The following CLVS1 variants were observed in gnomAD, a reference collection of about 807,000 sequenced individuals.
CLVS1 encodes clavesin 1.
Under a neutral mutation model 33.1 loss-of-function variants are expected in CLVS1, and 10 were observed. The ratio of observed to expected loss-of-function variants is 0.30; its 90% CI spans 0.19 to 0.51. CLVS1 has a LOEUF of 0.51. Among genes scored for constraint, CLVS1 ranks in the 20% least tolerant of loss-of-function variants. The pLI, the probability that CLVS1 is intolerant of heterozygous loss-of-function variation, is 0.97. For synonymous variants in CLVS1, 163 were observed against 166.1 expected (o/e 0.98, Z 0.14); for missense variants, 343 against 433.4 (o/e 0.79, Z 1.85).
At chr8:61,468,688 G>C (rs1012098305) in intron 5 of CLVS1, among the ~76,000 whole-genome samples, 3 of 127,220 alleles carry the variant, frequency 2.4e-5, no homozygotes, top group African/African-American at 9.3e-5. Flanking sequence ...AGCTCAGTCT[G>C]ATATCCCAGC....
In CLVS1 at chr8:61,376,691, T is replaced by G; in HGVS notation, c.542T>G (p.Ile181Ser). 6.2e-7 allele frequency: 1 copy of G among 1,614,200 alleles called. No individual in the cohort carries two copies. The highest frequency in any genetic ancestry group is 8.5e-7 in the Non-Finnish European group (1 of 1,179,998). ...CCGGAGCTTCAGATAAATGGCTTCA[T>G]TTTAATTATAGACTGGAGTAATTTT... ...EDPELQINGF[I>S]LIIDWSNFSF... The change falls in exon 3 of 6, where the codon ATT becomes AGT. Residue 181 changes from isoleucine to serine, a missense_variant. Around this residue, in one of 4 missense-constraint regions of CLVS1, gnomAD observed 166 missense variants for 244.0 expected, o/e 0.68. Coordinates refer to ENST00000325897, the MANE Select transcript of CLVS1 (RefSeq NM_173519.3).
chr8:61,224,456 G>A (rs1023681639), intron 2 of CLVS1, among the ~76,000 whole-genome samples: 1 of 152,092 alleles, frequency 6.6e-6, no homozygotes, highest in Non-Finnish European at 1.5e-5. Flanking sequence ...GTTTGCTGGG[G>A]GTTCACTTCA....
the CLVS1 span, among the ~76,000 whole-genome samples, chr8:60,983,091 CT>C: frequency 6.6e-6 from 1 of 152,120 alleles, no homozygotes; most frequent in South Asian, 2.1e-4. Context: ...TCCCTGAGGG[CT>C]TGAAAATTAG....
exon 2 of CLVS1, chr8:61,131,848 A>G (rs932410296): frequency 6.6e-6 from 1 of 152,194 alleles, no homozygotes; most frequent in African/African-American, 2.4e-5. Context: ...ACTTTTTATC[A>G]GCCAGGAAAA....
At chr8:61,461,638 T>C (rs560658954) in intron 5 of CLVS1, among the ~76,000 whole-genome samples, 47 of 152,372 alleles carry the variant, frequency 3.1e-4, no homozygotes, top group African/African-American at 7.9e-4. Flanking sequence ...CATCTCCTCA[T>C]TGCTTTGCAT....
At chr8:60,987,507 T>A in the CLVS1 span, among the ~76,000 whole-genome samples, 1 of 151,986 alleles carries the variant, frequency 6.6e-6, no homozygotes, top group Non-Finnish European at 1.5e-5. Context: ...TAGCAGGGAG[T>A]CACTGAAGAA....
chr8:61,166,442 G>A (rs909486308), intron 2 of CLVS1, among the ~76,000 whole-genome samples: 1 of 151,896 alleles, frequency 6.6e-6, no homozygotes, highest in South Asian at 2.1e-4. Context: ...CCTGAAAGCC[G>A]TTATTTATTT....
intron 3 of CLVS1, among the ~76,000 whole-genome samples, chr8:61,424,239 A>G (rs1178380511): frequency 2.0e-5 from 3 of 152,226 alleles, no homozygotes; most frequent in Non-Finnish European, 4.4e-5. Flanking sequence ...CTTGGATTTC[A>G]CAAAGGTCTT....
intron 2 of CLVS1, among the ~76,000 whole-genome samples, chr8:61,157,681 A>C (rs1236946538): frequency 6.6e-6 from 1 of 151,940 alleles, no homozygotes; most frequent in Non-Finnish European, 1.5e-5. Flanking sequence ...TCTAGTATAT[A>C]AAGAACTCCT....
chr8:61,111,706 T>G (rs532956118), intron 1 of CLVS1, among the ~76,000 whole-genome samples: 121 of 152,290 alleles, frequency 7.9e-4, no homozygotes, highest in African/African-American at 2.5e-3. Context: ...TGTTTAAATT[T>G]CTGTGGCTTT....
At chr8:61,202,863 T>C in intron 2 of CLVS1, 1 of 953,772 alleles carries the variant, frequency 1.0e-6, no homozygotes, top group Non-Finnish European at 1.6e-6. Flanking sequence ...AAGAAGATGA[T>C]GATGATGAAG....
At chr8:61,273,836 C>G (rs1328812489) in intron 2 of CLVS1, 1 of 154,152 alleles carries the variant, frequency 6.5e-6, no homozygotes, top group African/African-American at 2.4e-5. Flanking sequence ...GGCAATGCCT[C>G]GCCCTGCTTC....
At chr8:61,240,892 A>G (rs1324435191) in intron 2 of CLVS1, among the ~76,000 whole-genome samples, 1 of 91,696 alleles carries the variant, frequency 1.1e-5, no homozygotes, top group Non-Finnish European at 1.8e-5. Context: ...TGTTTGCTGT[A>G]GGTTTTTTTT....
chr8:61,077,223 G>A (rs1192883565), intron 1 of CLVS1, among the ~76,000 whole-genome samples: 1 of 149,924 alleles, frequency 6.7e-6, no homozygotes, highest in African/African-American at 2.5e-5. Context: ...ACAGGCGCCT[G>A]CCACCACACC....
At chr8:61,497,209 G>A (rs1026632069) in intron 5 of CLVS1, among the ~76,000 whole-genome samples, 5 of 152,164 alleles carry the variant, frequency 3.3e-5, no homozygotes, top group Admixed American at 3.3e-4. Context: ...ACACAGAAAA[G>A]TTGTTAAGAC....
intron 2 of CLVS1, among the ~76,000 whole-genome samples, chr8:61,363,845 G>A (rs1813083137): frequency 6.6e-6 from 1 of 152,134 alleles, no homozygotes; most frequent in Non-Finnish European, 1.5e-5. Flanking sequence ...TCAGGGAGAG[G>A]GTGAGGCCAC....
At chr8:61,055,644 G>A (rs376977349), upstream of CLVS1, among the ~76,000 whole-genome samples, 41 of 152,320 alleles carry the variant, frequency 2.7e-4, no homozygotes, top group Middle Eastern at 3.4e-3. Flanking sequence ...TTGTGGAGAC[G>A]TAGAAGCAGA....
At chr8:61,251,418 C>A (rs1000706764) in intron 2 of CLVS1, among the ~76,000 whole-genome samples, 2 of 152,162 alleles carry the variant, frequency 1.3e-5, no homozygotes, top group Non-Finnish European at 2.9e-5. Flanking sequence ...TAGGATGATA[C>A]TGGCCTCACA....
intron 3 of CLVS1, among the ~76,000 whole-genome samples, chr8:61,387,605 GGGTA>G (rs1424649814): frequency 2.0e-5 from 3 of 151,372 alleles, no homozygotes; most frequent in Non-Finnish European, 4.4e-5. Flanking sequence ...TGTACCCAAT[GGGTA>G]GTCTTTTATC....
Sources: allele counts gnomAD v4.1 joint callset (sites outside exome capture counted in the v4.1 genomes callset), GRCh38; gene constraint gnomAD v4.1.1; regional missense constraint gnomAD v4.1.1; transcripts MANE v1.5; gene names NCBI Gene and HGNC (gene_info 2026-07-23, HGNC 2026-07-21).